The following KIDINS220 variants were observed in gnomAD, a reference collection of about 807,000 sequenced individuals.
KIDINS220 encodes the protein kinase D interacting substrate 220.
A neutral mutation model predicts 157.6 loss-of-function variants in KIDINS220; 63 were observed. The observed-to-expected ratio is 0.40, with a 90% CI of 0.33 to 0.49. The LOEUF (loss-of-function observed/expected upper bound fraction) is 0.49. Among genes scored for constraint, KIDINS220 ranks in the 20% least tolerant of loss-of-function variants. The pLI is 0.66. For missense variants in KIDINS220, 1,772 were observed against 2,171.2 expected, an observed-to-expected ratio of 0.82 and a Z score of 3.65; for synonymous variants, 732 against 783.6, an observed-to-expected ratio of 0.93 and a Z score of 1.10.
intron 12 of KIDINS220, 125 bp from the exon 13 acceptor site, chr2:8,791,349 GAC>G: frequency 1.3e-6 from 1 of 764,596 alleles, no homozygotes; most frequent in Non-Finnish European, 2.0e-6. Flanking sequence ...CCCATGTAGG[GAC>G]AGTTTCAGGG....
At chr2:8,795,006 A>G (rs1020910354) in intron 11 of KIDINS220, among the ~76,000 whole-genome samples, 1 of 152,244 alleles carries the variant, frequency 6.6e-6, no homozygotes, top group Non-Finnish European at 1.5e-5. Flanking sequence ...GCTGACCTTA[A>G]GTAGCTTATG....
At chr2:8,738,325 G>A (rs1008559192) in intron 26 of KIDINS220, among the ~76,000 whole-genome samples, 6 of 152,300 alleles carry the variant, frequency 3.9e-5, no homozygotes, top group Admixed American at 2.0e-4. Context: ...ATCCACAGAC[G>A]GAAGTGAAAA....
chr2:8,829,207 C>T lies in KIDINS220; in HGVS notation c.-36-2078G>A, dbSNP rs557675330. ...TACAAAAGAGTACAAGAGAATTTGGCGAGTTAATGGCTGTTCTATATCTTG... is the reference window on the plus strand; with the variant it reads ...TACAAAAGAGTACAAGAGAATTTGGTGAGTTAATGGCTGTTCTATATCTTG... On this transcript the variant is annotated intron_variant, in intron 1 of 29. Transcript: ENST00000256707. Among the ~76,000 whole-genome samples, 3 of 152,224 alleles carry T rather than the reference C, an allele frequency of 2.0e-5. No homozygotes were observed. In the South Asian group the frequency reaches 6.2e-4, roughly 32 times the overall value.
chr2:8,771,736 A>T (rs1670265493), intron 21 of KIDINS220, among the ~76,000 whole-genome samples: 1 of 152,210 alleles, frequency 6.6e-6, no homozygotes, highest in South Asian at 2.1e-4. Flanking sequence ...TATAAGCCCC[A>T]ATCCAATTCT....
At chr2:8,778,789 A>C (rs1671310285) in intron 19 of KIDINS220, 62 bp from the exon 20 acceptor site, 1 of 1,590,584 alleles carries the variant, frequency 6.3e-7, no homozygotes, top group South Asian at 1.1e-5. Flanking sequence ...TGATATTTAA[A>C]GAAATGTGAA....
intron 21 of KIDINS220, among the ~76,000 whole-genome samples, chr2:8,771,072 T>C (rs1400504316): frequency 6.6e-6 from 1 of 152,200 alleles, no homozygotes; most frequent in African/African-American, 2.4e-5. Context: ...GATTTGCCAC[T>C]GGTGAGATAT....
chr2:8,744,418 A>ATC (rs1666252373), intron 26 of KIDINS220, among the ~76,000 whole-genome samples: 1 of 98,448 alleles, frequency 1.0e-5, no homozygotes, highest in Non-Finnish European at 2.0e-5. Flanking sequence ...ATATATATAT[A>ATC]TATATATATA....
intron 2 of KIDINS220, among the ~76,000 whole-genome samples, chr2:8,825,245 C>T (rs1207460625): frequency 2.0e-5 from 3 of 151,574 alleles, no homozygotes; most frequent in Non-Finnish European, 2.9e-5. Flanking sequence ...TGGTGGCGCA[C>T]GACTGTAGTC....
At chr2:8,776,641 G>T in intron 21 of KIDINS220, 107 bp downstream of exon 21, 1 of 875,548 alleles carries the variant, frequency 1.1e-6, no homozygotes, top group Non-Finnish European at 1.6e-6. Context: ...CCAGTATTCA[G>T]CAATGTAAAC....
chr2:8,785,123 G>A (rs1412597791), intron 17 of KIDINS220, among the ~76,000 whole-genome samples: 1 of 152,172 alleles, frequency 6.6e-6, no homozygotes, highest in Non-Finnish European at 1.5e-5. Flanking sequence ...GCACTTAAAT[G>A]CATATGACTA....
chr2:8,816,195 A>G (rs986001623), intron 4 of KIDINS220, among the ~76,000 whole-genome samples: 1 of 152,230 alleles, frequency 6.6e-6, no homozygotes, highest in African/African-American at 2.4e-5. Flanking sequence ...AGTTTAAGAA[A>G]TCAGTTTTTA....
At position 8,749,332 on chromosome 2, in the gene KIDINS220, T is replaced by G. The variant is rs76595717; in HGVS notation, c.3414+780A>C. 1,328 of 446,174 alleles carry G rather than the reference T, an allele frequency of 3.0e-3. 16 individuals are homozygous for G. The highest frequency in any genetic ancestry group is 0.025 in the African/African-American group (1,220 of 49,430). 27.6% of individuals were successfully genotyped at this position (446,174 alleles called of 1,614,324 possible). ...GGTCCTATGTTTTCTCGAATTAGAC[T>G]AAAGAGGGAGATAGCAAAAATAAGA... On this transcript the variant is annotated intron_variant, in intron 24 of 29. Coordinates refer to ENST00000256707, the MANE Select transcript of KIDINS220 (RefSeq NM_020738.4).
intron 26 of KIDINS220, among the ~76,000 whole-genome samples, chr2:8,745,376 A>T (rs1417003233): frequency 2.0e-5 from 3 of 152,246 alleles, no homozygotes; most frequent in Non-Finnish European, 4.4e-5. Context: ...TGGATAACTG[A>T]AGTCACTGAA....
intron 22 of KIDINS220, among the ~76,000 whole-genome samples, chr2:8,753,507 T>C (rs1014348681): frequency 6.6e-6 from 1 of 152,194 alleles, no homozygotes; most frequent in Non-Finnish European, 1.5e-5. Flanking sequence ...TATACATTTA[T>C]CAAACTCGTG....
intron 26 of KIDINS220, among the ~76,000 whole-genome samples, chr2:8,739,339 C>CTA (rs1665316288): frequency 1.3e-5 from 2 of 152,106 alleles, no homozygotes; most frequent in South Asian, 4.1e-4. Flanking sequence ...TCCATCAAAA[C>CTA]TATAGTCTGA....
At chr2:8,795,848 G>C (rs565778960) in intron 11 of KIDINS220, among the ~76,000 whole-genome samples, 2 of 152,322 alleles carry the variant, frequency 1.3e-5, no homozygotes, top group South Asian at 4.1e-4. Flanking sequence ...ATGGCAGATT[G>C]AGAAAAACAG....
At chr2:8,748,650 T>C (rs959290168) in intron 24 of KIDINS220, among the ~76,000 whole-genome samples, 1 of 152,166 alleles carries the variant, frequency 6.6e-6, no homozygotes, top group African/African-American at 2.4e-5. Context: ...AGGCTAAACA[T>C]AAAGACTGCA....
intron 2 of KIDINS220, among the ~76,000 whole-genome samples, chr2:8,824,881 A>C (rs939299711): frequency 6.6e-6 from 1 of 152,198 alleles, no homozygotes; most frequent in Admixed American, 6.5e-5. Flanking sequence ...TATAACGTGG[A>C]TGAACCTTGA....
In KIDINS220 at chr2:8,832,026, C is replaced by T. The variant is rs192625677; in HGVS notation, c.-36-4897G>A. Among the ~76,000 whole-genome samples, 25 of 152,310 alleles carry T rather than the reference C, an allele frequency of 1.6e-4. No individual in the cohort carries two copies. In the Middle Eastern group the frequency reaches 0.014, roughly 83 times the overall value. On this transcript the variant is annotated intron_variant, in intron 1 of 29. Transcript: ENST00000256707. ...CCTTACTCCATACCTCTTGCCTTTT[C>T]GTTAAGATTTTAAATATCCAATTGC...
Sources: gnomAD v4.1 joint callset for allele counts (sites outside exome capture counted in the v4.1 genomes callset) on GRCh38, gnomAD v4.1.1 for gene constraint, MANE v1.5 for transcripts, NCBI Gene and HGNC (gene_info 2026-07-23, HGNC 2026-07-21) for gene names.